The following PLCB4 variants were observed in gnomAD, a reference collection of about 807,000 sequenced individuals.
PLCB4 encodes the protein phospholipase C beta 4, also known as 1-phosphatidylinositol 4,5-bisphosphate phosphodiesterase beta-4.
In PLCB4, 77 loss-of-function variants were observed where a neutral mutation model predicts 178.8. That is an observed-to-expected ratio of 0.43 (90% CI 0.36 to 0.52). PLCB4 has a LOEUF of 0.52. Ranked by LOEUF, PLCB4 falls within the 20% of genes least tolerant of loss-of-function variation. The pLI is 0.00. For missense variants in PLCB4, 1,024 were observed against 1,453.4 expected (o/e 0.70, Z 4.80); for synonymous variants, 496 against 490.8 (o/e 1.01, Z -0.14).
At chr20:9,179,436 A>G (rs2093209160) in intron 2 of PLCB4, among the ~76,000 whole-genome samples, 1 of 152,136 alleles carries the variant, frequency 6.6e-6, no homozygotes, top group African/African-American at 2.4e-5. Flanking sequence ...AATGAAATGG[A>G]TGATTCCTCT....
intron 3 of PLCB4, among the ~76,000 whole-genome samples, chr20:9,225,767 G>C (rs2093857141): frequency 6.6e-6 from 1 of 152,174 alleles, no homozygotes; most frequent in Non-Finnish European, 1.5e-5. Context: ...GCTTCTATAA[G>C]AGAGAGGGAA....
At chr20:9,120,088 G>A (rs566367391) in intron 2 of PLCB4, among the ~76,000 whole-genome samples, 7 of 152,274 alleles carry the variant, frequency 4.6e-5, no homozygotes, top group African/African-American at 1.7e-4. Context: ...TGCCCCAGCA[G>A]CAGAGCTGTG....
At chr20:9,291,382 A>G (rs2094578635) in intron 3 of PLCB4, among the ~76,000 whole-genome samples, 1 of 152,162 alleles carries the variant, frequency 6.6e-6, no homozygotes, top group South Asian at 2.1e-4. Flanking sequence ...ATTTCCCATT[A>G]TTTTAAGTAA....
At chr20:9,265,629 G>C (rs2094342058) in intron 3 of PLCB4, among the ~76,000 whole-genome samples, 1 of 152,182 alleles carries the variant, frequency 6.6e-6, no homozygotes, top group African/African-American at 2.4e-5. Context: ...CCCTGGGTAT[G>C]ACACTTAATC....
At chr20:9,450,542 A>G (rs1288514111) in intron 32 of PLCB4, among the ~76,000 whole-genome samples, 1 of 152,114 alleles carries the variant, frequency 6.6e-6, no homozygotes, top group East Asian at 1.9e-4. Context: ...TTAATTCAAT[A>G]TGCTTTCAGT....
intron 3 of PLCB4, among the ~76,000 whole-genome samples, chr20:9,274,745 A>G (rs930450159): frequency 1.5e-4 from 23 of 152,046 alleles, no homozygotes; most frequent in African/African-American, 4.8e-4. Context: ...GGTTTTCTCT[A>G]TGGTTCTAGA....
rs983131216 is a variant in PLCB4 at position 9,422,159 on chromosome 20, A to G, written c.2319+698A>G. On this transcript the variant is annotated intron_variant, in intron 27 of 39. Coordinates refer to ENST00000378473, the MANE Select transcript of PLCB4 (RefSeq NM_001377142.1). ...TACTTACTCTGTTGTCCTGACCACA[A>G]TGATTTCTTGCTGCTTCTTTAGGCA... Among the ~76,000 whole-genome samples the G allele has an allele frequency of 3.0e-4, 46 of 152,182 alleles. 1 individual carries two copies. The highest frequency in any genetic ancestry group is 9.7e-5 in the African/African-American group (4 of 41,442).
intron 2 of PLCB4, among the ~76,000 whole-genome samples, chr20:9,099,462 A>G: frequency 6.6e-6 from 1 of 152,212 alleles, no homozygotes; most frequent in South Asian, 2.1e-4. Context: ...TTAACCACAT[A>G]TAGTTATTTT....
intron 14 of PLCB4, among the ~76,000 whole-genome samples, chr20:9,384,748 A>G (rs551073842): frequency 3.3e-5 from 5 of 152,132 alleles, no homozygotes; most frequent in African/African-American, 1.2e-4. Flanking sequence ...ACCATGCTCT[A>G]ACCAATTGAG....
At position 9,446,567 on chromosome 20, in the gene PLCB4, G is replaced by A. The variant is rs150837981; in HGVS notation, c.2880+2324G>A. 1.8e-4 allele frequency among the ~76,000 whole-genome samples: 28 copies of A among 152,242 alleles called. No individual in the cohort carries two copies. The East Asian group carries it at 4.4e-3, about 24-fold the overall frequency. The stretch of plus-strand genomic sequence containing the variant: ...AATATTTACTTGCCTAATATACACC[G>A]ATGCCAGCTCTGTTAACATATTGTC... On this transcript the variant is annotated intron_variant, in intron 32 of 39. Transcript: ENST00000378473.
intron 2 of PLCB4, among the ~76,000 whole-genome samples, chr20:9,131,106 A>C (rs546432954): frequency 6.6e-6 from 1 of 151,944 alleles, no homozygotes; most frequent in African/African-American, 2.4e-5. Flanking sequence ...CTGACTTTCT[A>C]CTCTGGGCCA....
chr20:9,098,604 CAT>C (rs1049634604), intron 2 of PLCB4, among the ~76,000 whole-genome samples: 2 of 150,360 alleles, frequency 1.3e-5, no homozygotes, highest in Non-Finnish European at 3.0e-5. Context: ...AAGGATGTCT[CAT>C]GTGTTAAATA....
intron 2 of PLCB4, among the ~76,000 whole-genome samples, chr20:9,128,465 G>A (rs2092187157): frequency 6.6e-6 from 1 of 152,100 alleles, no homozygotes; most frequent in South Asian, 2.1e-4. Context: ...CACCCAGGCT[G>A]GAGTGCAGTG....
At position 9,468,556 on chromosome 20, in the gene PLCB4, GT is replaced by G; in HGVS notation, c.3249-10del. 6.5e-7 allele frequency: 1 copy of G among 1,533,332 alleles called. No homozygotes were observed. The highest frequency in any genetic ancestry group is 9.0e-7 in the Non-Finnish European group (1 of 1,109,132). 95.0% of individuals were successfully genotyped at this position (1,533,332 alleles called of 1,614,324 possible). On this transcript the variant is annotated splice_polypyrimidine_tract_variant and intron_variant, in intron 35 of 39. Transcript: ENST00000378473. ...ATCCCCCCTCCCTGTTTGTTTTCTTGTTTTTAATACATAGGGAAAGCAAGGA... is the reference window on the plus strand; with the variant it reads ...ATCCCCCCTCCCTGTTTGTTTTCTTGTTTTAATACATAGGGAAAGCAAGGA...
At chr20:9,280,690 C>T (rs1028238946) in intron 3 of PLCB4, among the ~76,000 whole-genome samples, 4 of 151,786 alleles carry the variant, frequency 2.6e-5, no homozygotes, top group Non-Finnish European at 5.9e-5. Flanking sequence ...TCTTTGGTCG[C>T]GTCTTTTCTT....
At chr20:9,140,044 C>T (rs1028759182) in intron 2 of PLCB4, among the ~76,000 whole-genome samples, 3 of 152,064 alleles carry the variant, frequency 2.0e-5, no homozygotes, top group Non-Finnish European at 4.4e-5. Context: ...TGACACTTGC[C>T]TTCTAACTTT....
intron 36 of PLCB4, among the ~76,000 whole-genome samples, chr20:9,471,322 CAA>C (rs1345735433): frequency 2.6e-5 from 4 of 151,280 alleles, no homozygotes; most frequent in Admixed American, 1.3e-4. Context: ...AAATAGAAAA[CAA>C]AATGCAATAG....
intron 4 of PLCB4, among the ~76,000 whole-genome samples, chr20:9,313,884 T>G (rs1048680344): frequency 5.3e-5 from 8 of 152,202 alleles, no homozygotes; most frequent in African/African-American, 1.9e-4. Flanking sequence ...TTGCATATTG[T>G]GATGAGAAAG....
chr20:9,115,580 C>G, intron 2 of PLCB4, among the ~76,000 whole-genome samples: 1 of 103,344 alleles, frequency 9.7e-6, no homozygotes, highest in East Asian at 3.4e-4. Flanking sequence ...CCTCCCCCCT[C>G]CCCCCACCCC....
Sources: allele counts gnomAD v4.1 joint callset (sites outside exome capture counted in the v4.1 genomes callset), GRCh38; gene constraint gnomAD v4.1.1; transcripts MANE v1.5; gene names NCBI Gene and HGNC (gene_info 2026-07-23, HGNC 2026-07-21).